The following MCF2L variants were observed in gnomAD, a reference collection of about 807,000 sequenced individuals.
MCF2L encodes the protein MCF.2 cell line derived transforming sequence like, also known as guanine nucleotide exchange factor DBS.
A neutral mutation model predicts 153.4 loss-of-function variants in MCF2L; 97 were observed. The ratio of observed to expected loss-of-function variants is 0.63; its 90% CI spans 0.54 to 0.75. The LOEUF is 0.75. MCF2L is among the 30% of genes least tolerant of loss of function. The pLI, the probability that MCF2L is intolerant of heterozygous loss-of-function variation, is 0.00. For missense variants in MCF2L, 1,347 were observed against 1,495.2 expected, an observed-to-expected ratio of 0.90 and a Z score of 1.64; for synonymous variants, 659 against 632.2, an observed-to-expected ratio of 1.04 and a Z score of -0.64.
At chr13:112,903,380 C>T (rs1340578845) in intron 2 of MCF2L, among the ~76,000 whole-genome samples, 3 of 152,248 alleles carry the variant, frequency 2.0e-5, no homozygotes, top group Non-Finnish European at 2.9e-5. Flanking sequence ...CCCCATCCCA[C>T]GGCTGCTGCC....
intron 2 of MCF2L, among the ~76,000 whole-genome samples, chr13:112,959,209 T>C (rs965045581): frequency 2.0e-5 from 3 of 152,172 alleles, no homozygotes; most frequent in African/African-American, 7.2e-5. Flanking sequence ...TAGAAAGAAT[T>C]TAATGAATTG....
chr13:112,927,292 A>T (rs2081417559), intron 2 of MCF2L, among the ~76,000 whole-genome samples: 1 of 152,166 alleles, frequency 6.6e-6, no homozygotes, highest in African/African-American at 2.4e-5. Context: ...GTTATTTGCA[A>T]TTTTTTAATA....
chr13:112,978,280 T>C (rs1314698441), intron 1 of MCF2L, among the ~76,000 whole-genome samples: 1 of 152,156 alleles, frequency 6.6e-6, no homozygotes, highest in Non-Finnish European at 1.5e-5. Flanking sequence ...CCTCTGTAGC[T>C]GTTTTGGGGG....
chr13:113,084,819 G>A (rs944708236), intron 18 of MCF2L, 73 bp from the exon 19 acceptor site: 10 of 1,142,486 alleles, frequency 8.8e-6, no homozygotes, highest in African/African-American at 6.1e-5. Context: ...CGCGTAATGC[G>A]GTGCCCGTCC....
At chr13:113,011,612 G>A (rs1366685936) in intron 1 of MCF2L, among the ~76,000 whole-genome samples, 3 of 149,816 alleles carry the variant, frequency 2.0e-5, no homozygotes, top group African/African-American at 4.9e-5. Flanking sequence ...CTGCAGTGTG[G>A]ATGGTGGACA....
chr13:113,088,602 G>A lies in MCF2L; in HGVS notation c.2808G>A (p.Leu936=), dbSNP rs1453179848. 1.2e-6 allele frequency: 2 copies of A among 1,608,318 alleles called. No individual in the cohort carries two copies. The highest frequency in any genetic ancestry group is 1.7e-5 in the Admixed American group (1 of 59,946). Residue 936 remains leucine (L), a synonymous_variant, in exon 25 of 30, where the codon CTG becomes CTA. Coordinates refer to ENST00000535094, the MANE Select transcript of MCF2L (RefSeq NM_001112732.3). ...QHRALEQSQS[L]PLPAPTSTSP... ...GGGCGCTGGAGCAGTCACAGAGCCT[G>A]CCCCTGCCGGCCCCGACCAGCACCA...
At chr13:113,077,255 G>C (rs771392732) in intron 13 of MCF2L, 44 bp downstream of exon 13, 12 of 1,469,396 alleles carry the variant, frequency 8.2e-6, no homozygotes, top group Non-Finnish European at 1.1e-5. Context: ...GGGACCCTCG[G>C]GGGAGCCCCG....
intron 2 of MCF2L, among the ~76,000 whole-genome samples, chr13:112,919,345 A>G (rs993837539): frequency 2.9e-4 from 44 of 149,664 alleles, no homozygotes; most frequent in Admixed American, 1.3e-3. Context: ...AGCTGGGACT[A>G]CAGGCGCCCG....
At chr13:113,071,239 T>G (rs1484497564) in intron 9 of MCF2L, among the ~76,000 whole-genome samples, 1 of 152,254 alleles carries the variant, frequency 6.6e-6, no homozygotes, top group Non-Finnish European at 1.5e-5. Context: ...CTGGATTGTT[T>G]GGTTTTGTGC....
At chr13:113,016,922 C>T (rs184398284) in intron 2 of MCF2L, among the ~76,000 whole-genome samples, 193 of 152,312 alleles carry the variant, frequency 1.3e-3, no homozygotes, top group African/African-American at 4.1e-3. Flanking sequence ...TGCCTCCCGG[C>T]TTCTAGAGGT....
chr13:113,069,652 G>A (rs1428808724), intron 8 of MCF2L, among the ~76,000 whole-genome samples: 4 of 152,056 alleles, frequency 2.6e-5, no homozygotes, highest in South Asian at 2.1e-4. Flanking sequence ...CCAGCTACGC[G>A]GAGGCAGAGG....
intron 27 of MCF2L, chr13:113,095,023 G>GC (rs2035531189): frequency 7.3e-7 from 1 of 1,374,332 alleles, no homozygotes; most frequent in Non-Finnish European, 9.7e-7. Flanking sequence ...CCTCAGAGGA[G>GC]ACAGTCCCCA....
intron 2 of MCF2L, among the ~76,000 whole-genome samples, chr13:112,919,107 T>A (rs1366310532): frequency 1.3e-5 from 2 of 152,252 alleles, no homozygotes; most frequent in African/African-American, 4.8e-5. Context: ...TTAATTCAAA[T>A]TCATTTACAA....
At position 112,897,052 on chromosome 13, in the gene MCF2L, G is replaced by A. The variant is rs528666970; in HGVS notation, c.-5+2621G>A. ...AGCACAGGGCCCCAGCTCGGAGTGC[G>A]GGTGGCAGAGTCTTTAGTGCGTGGC... is the stretch of plus-strand genomic sequence containing the variant. On this transcript the variant is annotated intron_variant, in intron 1 of 29. Coordinates refer to the MCF2L transcript ENST00000375608. 7.2e-5 allele frequency among the ~76,000 whole-genome samples: 11 copies of A among 152,280 alleles called. No individual in the cohort carries two copies. In the East Asian group the frequency reaches 1.9e-3, roughly 27 times the overall value.
At chr13:112,933,571 G>A (rs1336762817) in intron 2 of MCF2L, among the ~76,000 whole-genome samples, 1 of 152,242 alleles carries the variant, frequency 6.6e-6, no homozygotes, top group African/African-American at 2.4e-5. Flanking sequence ...TTGGGTCTGG[G>A]ATTTCGGTAT....
rs767577191 is a variant in MCF2L at position 113,070,352 on chromosome 13, T to C, written c.996+179T>C. 5.3e-5 allele frequency: 25 copies of C among 474,548 alleles called. No individual in the cohort carries two copies. Among genetic ancestry groups the C allele is most frequent in the African/African-American group, 4.7e-4 (23 of 48,520 alleles). 29.4% of individuals were successfully genotyped at this position (474,548 alleles called of 1,614,324 possible). A position where few individuals can be genotyped will look rare whatever the true frequency, so the allele number is the denominator to read the frequency against. On this transcript the variant is annotated intron_variant, in intron 9 of 29. Transcript: ENST00000535094. This position sits in a 1 kb window ranked among gnomAD's most constrained non-coding sequence, Gnocchi z 5.6. The stretch of plus-strand genomic sequence containing the variant: ...GATTAAGTCAGGCTGAGCCTTGAAA[T>C]GCACGATTGATGACTGCGTCATTGT...
At chr13:113,059,600 C>G (rs2031023006) in intron 4 of MCF2L, among the ~76,000 whole-genome samples, 2 of 152,202 alleles carry the variant, frequency 1.3e-5, no homozygotes, top group Admixed American at 6.5e-5. Context: ...CATCACTGCA[C>G]GTCTGTCATC....
rs776259249 is a variant in MCF2L at position 113,087,375 on chromosome 13, A to C, written c.2514A>C (p.Ala838=). The C allele has an allele frequency of 6.2e-7, 1 of 1,613,298 alleles. No individual in the cohort carries two copies. The highest frequency in any genetic ancestry group is 1.3e-5 in the African/African-American group (1 of 74,946). ...GGCACCTGTTCCTGCACGAGAAGGC[A>C]GTGCTCTTCTGCAAGAAGAGGGAGG... ...MQRHLFLHEK[A]VLFCKKREEN... Residue 838 remains alanine, a synonymous_variant, in exon 22 of 30, where the codon GCA becomes GCC. Coordinates refer to ENST00000535094, the MANE Select transcript of MCF2L (RefSeq NM_001112732.3).
At chr13:112,947,755 T>C (rs2081652353) in intron 2 of MCF2L, among the ~76,000 whole-genome samples, 1 of 152,166 alleles carries the variant, frequency 6.6e-6, no homozygotes, top group African/African-American at 2.4e-5. Context: ...AGGCTGGGGC[T>C]ACACACTGGT....
Sources: gnomAD v4.1 joint callset for allele counts (sites outside exome capture counted in the v4.1 genomes callset) on GRCh38, gnomAD v4.1.1 for gene constraint, Gnocchi (gnomAD v3.1) non-coding constraint, MANE v1.5 for transcripts, NCBI Gene and HGNC (gene_info 2026-07-23, HGNC 2026-07-21) for gene names.